The following GPN1 variants were observed in gnomAD, a reference collection of about 807,000 sequenced individuals.
GPN1 encodes ATP(GTP)-binding protein.
A neutral mutation model predicts 55.9 loss-of-function variants in GPN1; 44 were observed. The observed-to-expected ratio is 0.79, with a 90% CI of 0.62 to 1.01. The LOEUF (loss-of-function observed/expected upper bound fraction) is 1.01, where lower values mean the gene tolerates loss of function less well. GPN1 is among the 50% of genes least tolerant of loss of function. GPN1 has a pLI of 0.00. For missense variants in GPN1, 466 were observed against 462.8 expected, an observed-to-expected ratio of 1.01 and a Z score of -0.06; for synonymous variants, 179 against 162.5, an observed-to-expected ratio of 1.10 and a Z score of -0.77.
chr2:27,649,958 T>A (rs1015415879), intron 13 of GPN1, among the ~76,000 whole-genome samples, 157 bp from the exon 14 acceptor site: 2 of 152,222 alleles, frequency 1.3e-5, no homozygotes, highest in African/African-American at 4.8e-5. Context: ...TTGGGCAGCA[T>A]GATAGAGCAT....
At chr2:27,636,508 T>A (rs1673737600) in intron 7 of GPN1, among the ~76,000 whole-genome samples, 1 of 152,138 alleles carries the variant, frequency 6.6e-6, no homozygotes, top group African/African-American at 2.4e-5. Flanking sequence ...TATTTATATT[T>A]TTTCGAGACG....
chr2:27,644,958 C>T (rs1674151361), intron 12 of GPN1, among the ~76,000 whole-genome samples: 1 of 151,894 alleles, frequency 6.6e-6, no homozygotes, highest in Non-Finnish European at 1.5e-5. Flanking sequence ...TATTATTTCA[C>T]TGGACTGTTT....
chr2:27,635,459 T>C (rs542903026), intron 7 of GPN1, among the ~76,000 whole-genome samples: 9 of 152,180 alleles, frequency 5.9e-5, no homozygotes, highest in Non-Finnish European at 1.2e-4. Flanking sequence ...CTTCCTCCCT[T>C]GTTGTTACAA....
At position 27,650,929 on chromosome 2, in the gene GPN1, G is replaced by A. The variant is rs1674506537; in HGVS notation, c.*729G>A. The A allele has an allele frequency of 6.5e-6, 1 of 152,706 alleles. No homozygotes were observed. The highest frequency in any genetic ancestry group is 2.4e-5 in the African/African-American group (1 of 41,458). 9.5% of individuals were successfully genotyped at this position (152,706 alleles called of 1,614,324 possible). On this transcript the variant is annotated 3_prime_UTR_variant, in exon 14 of 14. Coordinates refer to ENST00000610189, the MANE Select transcript of GPN1 (RefSeq NM_007266.4). ...AGCTTCACTTCTCCTGTTCAACAGAGGCTTAAGGCCAGATGTCCAAACTTG... is the reference window on the plus strand; with the variant it reads ...AGCTTCACTTCTCCTGTTCAACAGAAGCTTAAGGCCAGATGTCCAAACTTG...
chr2:27,629,944 C>T lies in GPN1; in HGVS notation c.197C>T (p.Ala66Val), dbSNP rs138515946. 11 of 1,562,730 alleles carry T rather than the reference C, an allele frequency of 7.0e-6. No homozygotes were observed. Among genetic ancestry groups the T allele is most frequent in the African/African-American group, 1.4e-5 (1 of 73,876 alleles). The change falls in exon 2 of 14, where the codon GCC (alanine) becomes GTC (valine). Residue 66 changes from alanine to valine, a missense_variant. Physicochemically the swap from Ala to Val is moderately conservative, Grantham distance 64 (BLOSUM62 0). Coordinates refer to ENST00000610189, the MANE Select transcript of GPN1 (RefSeq NM_007266.4). Reference sequence around the variant, plus strand: ...GCAGTACATGAAGTTCCCTTTCCTGCCAATATTGGTGAGTAAACCAGTAAC... The same window carrying T: ...GCAGTACATGAAGTTCCCTTTCCTGTCAATATTGGTGAGTAAACCAGTAAC... ...DPAVHEVPFP[A>V]NIDIRDTVKY...
chr2:27,641,179 G>T (rs1673932035), intron 10 of GPN1, 61 bp from the exon 11 acceptor site: 1 of 1,063,646 alleles, frequency 9.4e-7, no homozygotes. Context: ...ATAAGGGGAT[G>T]TGGAGAGTCA....
intron 4 of GPN1, among the ~76,000 whole-genome samples, chr2:27,632,207 G>C (rs1267467207): frequency 6.6e-6 from 1 of 152,214 alleles, no homozygotes; most frequent in Non-Finnish European, 1.5e-5. Context: ...TGGACTAGCA[G>C]TCATGGAATG....
At chr2:27,640,010 T>C in intron 9 of GPN1, 33 bp from the exon 10 acceptor site, 1 of 1,325,160 alleles carries the variant, frequency 7.5e-7, no homozygotes, top group Non-Finnish European at 1.1e-6. Context: ...ATACAATGGT[T>C]TCTTTAGTGG....
At chr2:27,633,398 C>T (rs1181399515) in intron 5 of GPN1, among the ~76,000 whole-genome samples, 1 of 152,198 alleles carries the variant, frequency 6.6e-6, no homozygotes, top group Non-Finnish European at 1.5e-5. Flanking sequence ...TTCCACCTCC[C>T]TGGCTCAGGT....
intron 7 of GPN1, among the ~76,000 whole-genome samples, chr2:27,636,856 A>G (rs1471581433): frequency 2.6e-5 from 4 of 152,070 alleles, no homozygotes; most frequent in Non-Finnish European, 4.4e-5. Flanking sequence ...AAATTAATTA[A>G]TTTATTTTTA....
intron 13 of GPN1, among the ~76,000 whole-genome samples, chr2:27,649,292 C>T (rs1217708705): frequency 2.0e-5 from 3 of 151,690 alleles, no homozygotes; most frequent in African/African-American, 7.3e-5. Context: ...AACCACCATA[C>T]GATTTAGGTC....
intron 12 of GPN1, among the ~76,000 whole-genome samples, chr2:27,642,918 A>G (rs1674019503): frequency 6.6e-6 from 1 of 150,928 alleles, no homozygotes; most frequent in South Asian, 2.1e-4. Context: ...AGAGAGAAAG[A>G]GAAAAAGATA....
At chr2:27,647,154 CTG>C (rs1464427047) in intron 12 of GPN1, among the ~76,000 whole-genome samples, 1 of 152,190 alleles carries the variant, frequency 6.6e-6, no homozygotes, top group East Asian at 1.9e-4. Context: ...GTTGATGTTG[CTG>C]TCTCTGGCCA....
At chr2:27,635,304 T>C in intron 7 of GPN1, 70 bp downstream of exon 7, 1 of 707,714 alleles carries the variant, frequency 1.4e-6, no homozygotes, top group South Asian at 1.9e-5. Flanking sequence ...CTTCCTCTTT[T>C]TTTTTTTTTT....
chr2:27,650,208 T>C lies in GPN1; in HGVS notation c.*8T>C, dbSNP rs762088394. On this transcript the variant is annotated 3_prime_UTR_variant, in exon 14 of 14. Transcript: ENST00000610189. ...AAGAGAAACAATAAATAGGAGACTTTAGCACACTTCACTTGTTTCTAGAAG... is the reference window on the plus strand; with the variant it reads ...AAGAGAAACAATAAATAGGAGACTTCAGCACACTTCACTTGTTTCTAGAAG... 1.1e-5 allele frequency: 17 copies of C among 1,511,506 alleles called. No individual in the cohort carries two copies. The Admixed American group carries it at 2.3e-4, about 21-fold the overall frequency. The allele number at this position is 1,511,506 out of a possible 1,614,324, so 93.6% of individuals were successfully genotyped here. A position where few individuals can be genotyped will look rare whatever the true frequency, so the allele number is the denominator to read the frequency against.
At chr2:27,638,553 G>T (rs554977478) in intron 8 of GPN1, among the ~76,000 whole-genome samples, 3 of 152,280 alleles carry the variant, frequency 2.0e-5, no homozygotes, top group Non-Finnish European at 4.4e-5. Context: ...ACTGGAAGTG[G>T]CAATTAAAAA....
chr2:27,648,579 C>T (rs1227760811), intron 13 of GPN1, among the ~76,000 whole-genome samples: 1 of 152,154 alleles, frequency 6.6e-6, no homozygotes, highest in Non-Finnish European at 1.5e-5. Context: ...GATAGAATGG[C>T]TCTGGAAACC....
intron 5 of GPN1, among the ~76,000 whole-genome samples, chr2:27,633,365 T>C (rs923294799): frequency 7.9e-5 from 12 of 152,168 alleles, no homozygotes; most frequent in Admixed American, 3.9e-4. Flanking sequence ...GAGTACAGTG[T>C]AGTGATCTCA....
At chr2:27,629,497 G>A (rs1572949083) in intron 1 of GPN1, 1 of 1,138,190 alleles carries the variant, frequency 8.8e-7, no homozygotes, top group East Asian at 2.5e-5. Context: ...AGGTTTTGGT[G>A]AAGATTTGCC....
Sources: gnomAD v4.1 joint callset for allele counts (sites outside exome capture counted in the v4.1 genomes callset) on GRCh38, gnomAD v4.1.1 for gene constraint, MANE v1.5 for transcripts, NCBI Gene and HGNC (gene_info 2026-07-23, HGNC 2026-07-21) for gene names.